Variants in PRKG1 observed in about 807,000 individuals in gnomAD.
PRKG1 encodes the protein cGMP-dependent protein kinase 1.
Under a neutral mutation model 88.1 loss-of-function variants are expected in PRKG1, and 35 were observed. The ratio of observed to expected loss-of-function variants is 0.40; its 90% CI spans 0.30 to 0.53. PRKG1 has a LOEUF of 0.53. Ranked by LOEUF, PRKG1 falls within the 20% of genes least tolerant of loss-of-function variation. The probability of loss-of-function intolerance (pLI) is 0.59; values close to 1 mark genes in which losing one functional copy is unlikely to be tolerated. For missense variants in PRKG1, 540 were observed against 839.8 expected (o/e 0.64, Z 4.41); for synonymous variants, 303 against 292.5 (o/e 1.04, Z -0.37).
intron 4 of PRKG1, 22 bp from the exon 5 acceptor site, chr10:51,907,485 A>G: frequency 6.3e-7 from 1 of 1,599,914 alleles, no homozygotes. Flanking sequence ...TGTGTTCAGC[A>G]CTATTCTGTT....
chr10:51,082,951 T>C (rs931222388), intron 1 of PRKG1, among the ~76,000 whole-genome samples: 2 of 152,326 alleles, frequency 1.3e-5, no homozygotes, highest in Non-Finnish European at 2.9e-5. Context: ...TATAGGTATA[T>C]TATTTTTACT....
At chr10:52,007,830 T>A (rs1489955815) in intron 5 of PRKG1, among the ~76,000 whole-genome samples, 2 of 152,194 alleles carry the variant, frequency 1.3e-5, no homozygotes, top group African/African-American at 4.8e-5. Flanking sequence ...TACATTCTTT[T>A]CATCACATGG....
At chr10:52,176,302 C>T (rs2132719448) in intron 9 of PRKG1, among the ~76,000 whole-genome samples, 1 of 150,490 alleles carries the variant, frequency 6.6e-6, no homozygotes. Flanking sequence ...GTCTTGGCAC[C>T]TTTGTGAAAA....
At chr10:52,050,965 TG>T (rs1845974421) in intron 5 of PRKG1, among the ~76,000 whole-genome samples, 2 of 152,128 alleles carry the variant, frequency 1.3e-5, no homozygotes, top group Admixed American at 1.3e-4. Flanking sequence ...TTTCTGCAGC[TG>T]GGGTTAGGGT....
chr10:51,984,123 G>T (rs755930091), intron 5 of PRKG1, among the ~76,000 whole-genome samples: 5 of 152,132 alleles, frequency 3.3e-5, no homozygotes, highest in Admixed American at 2.6e-4. Context: ...GCACAGAAGA[G>T]AAATGCATTG....
At chr10:51,705,729 A>G (rs1208721593) in intron 3 of PRKG1, among the ~76,000 whole-genome samples, 1 of 152,246 alleles carries the variant, frequency 6.6e-6, no homozygotes, top group Non-Finnish European at 1.5e-5. Context: ...ATTTATAGGT[A>G]AAGAACAGAG....
At chr10:51,070,988 C>T (rs1843818583), upstream of PRKG1, among the ~76,000 whole-genome samples, 1 of 152,188 alleles carries the variant, frequency 6.6e-6, no homozygotes, top group African/African-American at 2.4e-5. Context: ...GGGCAGGGCT[C>T]AGATCAAGCC....
chr10:51,004,709 T>C (rs1433951345), intron 1 of PRKG1, among the ~76,000 whole-genome samples: 1 of 152,154 alleles, frequency 6.6e-6, no homozygotes, highest in Admixed American at 6.5e-5. Flanking sequence ...TGCACTTGGT[T>C]TGATGTTTGT....
intron 3 of PRKG1, among the ~76,000 whole-genome samples, chr10:51,515,344 C>T (rs191525099): frequency 9.2e-5 from 14 of 152,066 alleles, no homozygotes; most frequent in Admixed American, 3.9e-4. Context: ...TCATTTTTAT[C>T]GATAAAGAAT....
chr10:52,261,673 A>G (rs1286265388), intron 10 of PRKG1, among the ~76,000 whole-genome samples: 1 of 152,108 alleles, frequency 6.6e-6, no homozygotes, highest in African/African-American at 2.4e-5. Flanking sequence ...GGCAAATGCT[A>G]TGGTTCATTC....
At chr10:51,848,480 G>C (rs1396166198) in intron 4 of PRKG1, among the ~76,000 whole-genome samples, 1 of 152,056 alleles carries the variant, frequency 6.6e-6, no homozygotes, top group Non-Finnish European at 1.5e-5. Flanking sequence ...TTATAAGCTT[G>C]TTCATATGTT....
rs1005759535 is a variant in PRKG1, at chr10:51,538,408, TAC to T, written c.592+70574_592+70575del. 5.6e-4 allele frequency among the ~76,000 whole-genome samples: 50 copies of T among 88,978 alleles called. No homozygotes were observed. In the East Asian group the frequency reaches 8.9e-3, roughly 16 times the overall value. The allele number at this position is 88,978 out of a possible 152,430, so 58.4% of individuals were successfully genotyped here. On this transcript the variant is annotated intron_variant, in intron 3 of 17. Transcript: ENST00000373980. ...ATTATACATATCATATATATACATATACATATAATATATGATATATGATATAT... is the reference window on the plus strand; with the variant it reads ...ATTATACATATCATATATATACATATATATAATATATGATATATGATATAT...
chr10:51,878,330 A>T (rs897712368), intron 4 of PRKG1, among the ~76,000 whole-genome samples: 1 of 152,078 alleles, frequency 6.6e-6, no homozygotes. Context: ...TGATTGGCTC[A>T]ATATACTATG....
chr10:51,494,481 T>G (rs745802744), intron 3 of PRKG1, among the ~76,000 whole-genome samples: 27 of 152,212 alleles, frequency 1.8e-4, no homozygotes, highest in Non-Finnish European at 3.4e-4. Context: ...TTAGGAAAAC[T>G]TAATGTAGAT....
At chr10:52,098,200 T>G (rs1847216952) in intron 7 of PRKG1, among the ~76,000 whole-genome samples, 1 of 152,228 alleles carries the variant, frequency 6.6e-6, no homozygotes, top group African/African-American at 2.4e-5. Context: ...AAATGTTTTT[T>G]ATTATGATAA....
intron 8 of PRKG1, 132 bp from the exon 9 acceptor site, chr10:52,161,753 TATTA>T (rs1838281499): frequency 1.4e-6 from 1 of 710,294 alleles, no homozygotes; most frequent in East Asian, 2.8e-5. Context: ...ACATGCTTCT[TATTA>T]ATGTACTTAG....
chr10:51,280,264 C>T (rs1359218479), intron 2 of PRKG1, among the ~76,000 whole-genome samples: 7 of 152,156 alleles, frequency 4.6e-5, no homozygotes, highest in Admixed American at 2.6e-4. Context: ...GGCTTCCCTT[C>T]GTGGGTAACC....
chr10:51,787,784 C>A (rs962010835), intron 3 of PRKG1, among the ~76,000 whole-genome samples: 1 of 152,082 alleles, frequency 6.6e-6, no homozygotes, highest in Non-Finnish European at 1.5e-5. Flanking sequence ...TTATCTTTTG[C>A]TCTTATTTTA....
In PRKG1 at chr10:51,544,774, A is replaced by G. The variant is rs576699511; in HGVS notation, c.592+76938A>G. Among the ~76,000 whole-genome samples the G allele has an allele frequency of 2.0e-5, 3 of 152,222 alleles. No homozygotes were observed. The South Asian group carries it at 6.2e-4, about 32-fold the overall frequency. ...TAACTGATGGGAGAAAATTTTTACA[A>G]TCTACTCATCTGACAAAGGGCTAAT... is the stretch of plus-strand genomic sequence containing the variant. On this transcript the variant is annotated intron_variant, in intron 3 of 17. Coordinates refer to ENST00000373980, the MANE Select transcript of PRKG1 (RefSeq NM_006258.4).
Sources: allele counts gnomAD v4.1 joint callset (sites outside exome capture counted in the v4.1 genomes callset), GRCh38; gene constraint gnomAD v4.1.1; transcripts MANE v1.5; gene names NCBI Gene and HGNC (gene_info 2026-07-23, HGNC 2026-07-21).